The following SNPH variants were observed in gnomAD, a reference collection of about 807,000 sequenced individuals.
SNPH encodes the protein syntaphilin.
Under a neutral mutation model 36.8 loss-of-function variants are expected in SNPH, and 10 were observed. The observed-to-expected ratio is 0.27, with a 90% CI of 0.17 to 0.46. SNPH has a LOEUF of 0.46. Among genes scored for constraint, SNPH ranks in the 20% least tolerant of loss-of-function variants. The pLI is 1.00. For synonymous variants in SNPH, 281 were observed against 312.2 expected (o/e 0.90, Z 1.05); for missense variants, 622 against 744.0 (o/e 0.84, Z 1.91).
chr20:1,305,085 C>G lies in SNPH; in HGVS notation c.648C>G (p.Ile216Met). Residue 216 changes from isoleucine to methionine, a missense_variant, in exon 7 of 7, where the codon ATC (isoleucine) becomes ATG (methionine). Around this residue, in one of 3 missense-constraint regions of SNPH, gnomAD observed 56 missense variants for 106.6 expected, o/e 0.53. Coordinates refer to ENST00000381867, the MANE Select transcript of SNPH (RefSeq NM_001318234.2). ...AGAAGTACTTCGTGGACATCAACAT[C>G]CAGAACAAGAAGCTGGAGACGCTGC... The part of the protein sequence containing the change: ...GLQKYFVDIN[I>M]QNKKLETLLH... 1 of 1,614,036 alleles carries G rather than the reference C, an allele frequency of 6.2e-7. No homozygotes were observed. Among genetic ancestry groups the G allele is most frequent in the Non-Finnish European group, 8.5e-7 (1 of 1,180,042 alleles).
intron 2 of SNPH, among the ~76,000 whole-genome samples, chr20:1,283,575 A>G (rs2088250687): frequency 6.6e-6 from 1 of 152,258 alleles, no homozygotes; most frequent in Admixed American, 6.5e-5. Flanking sequence ...GCCAGAAAAC[A>G]TGGATTTTAA....
At chr20:1,275,376 G>A (rs533058033) in intron 2 of SNPH, among the ~76,000 whole-genome samples, 5 of 152,262 alleles carry the variant, frequency 3.3e-5, no homozygotes, top group Admixed American at 1.3e-4. Flanking sequence ...TATGGGCCTC[G>A]ATTGCTTTTC....
intron 2 of SNPH, among the ~76,000 whole-genome samples, chr20:1,272,685 C>T (rs1210137059): frequency 6.6e-6 from 1 of 152,336 alleles, no homozygotes; most frequent in Admixed American, 6.5e-5. Context: ...TATTGGCTGG[C>T]CCACAGATGA....
intron 2 of SNPH, among the ~76,000 whole-genome samples, chr20:1,277,385 G>A (rs2088144343): frequency 1.3e-5 from 2 of 152,038 alleles, no homozygotes; most frequent in African/African-American, 4.8e-5. Context: ...GTGTCTGTGT[G>A]TGTCTGTGTC....
chr20:1,280,716 C>G (rs1187242223), intron 2 of SNPH, among the ~76,000 whole-genome samples: 2 of 152,216 alleles, frequency 1.3e-5, no homozygotes, highest in Non-Finnish European at 2.9e-5. Flanking sequence ...GAGGATGGAG[C>G]TCCCTCAGGG....
At position 1,306,008 on chromosome 20, in the gene SNPH, T is replaced by A. The variant is rs1568553203; in HGVS notation, c.1571T>A (p.Leu524Gln). The change falls in exon 7 of 7, where the codon CTG becomes CAG. Residue 524 changes from leucine to glutamine, a missense_variant. By Grantham distance (113) the Leu-to-Gln change is moderately radical. Around this residue, in one of 3 missense-constraint regions of SNPH, gnomAD observed 379 missense variants for 427.9 expected, o/e 0.89. Coordinates refer to ENST00000381867, the MANE Select transcript of SNPH (RefSeq NM_001318234.2). ...HSIRRISCRS[L>Q]SQPSPSPAGG... Reference sequence around the variant, plus strand: ...ATCCGCAGGATCAGCTGCCGCTCGCTGAGCCAGCCGAGTCCCAGCCCAGCG... The same window carrying A: ...ATCCGCAGGATCAGCTGCCGCTCGCAGAGCCAGCCGAGTCCCAGCCCAGCG... 6.6e-7 allele frequency: 1 copy of A among 1,524,568 alleles called. No individual in the cohort carries two copies. 94.4% of individuals were successfully genotyped at this position (1,524,568 alleles called of 1,614,324 possible).
At chr20:1,296,982 G>C in intron 4 of SNPH, 163 bp from the exon 5 acceptor site, 2 of 888,318 alleles carry the variant, frequency 2.3e-6, no homozygotes, top group Non-Finnish European at 2.7e-6. Flanking sequence ...TGCACTGTCT[G>C]TTCTGTCACC....
At chr20:1,274,896 C>A (rs766991256) in intron 2 of SNPH, among the ~76,000 whole-genome samples, 7 of 152,242 alleles carry the variant, frequency 4.6e-5, no homozygotes, top group Non-Finnish European at 1.5e-5. Context: ...TTGCTTCCCA[C>A]ACATCCCCTC....
Position 1,300,553 on chromosome 20 carries a change from C to T in SNPH, c.291-9C>T, listed in dbSNP as rs780933278. On this transcript the variant is annotated splice_polypyrimidine_tract_variant and intron_variant, in intron 5 of 6. Transcript: ENST00000381867. ...TCCTCCCTCCCTGATGATGGGCGTC[C>T]CCTTGCAGGCGCTCCATGAAATACA... 2.4e-5 allele frequency: 39 copies of T among 1,613,722 alleles called. No homozygotes were observed. Among genetic ancestry groups the T allele is most frequent in the Non-Finnish European group, 3.1e-5 (37 of 1,179,938 alleles).
At chr20:1,299,854 G>A (rs191849879) in intron 5 of SNPH, among the ~76,000 whole-genome samples, 84 of 152,346 alleles carry the variant, frequency 5.5e-4, no homozygotes, top group African/African-American at 2.0e-3. Flanking sequence ...GGAAGTGTGC[G>A]TGCATGTAGT....
chr20:1,296,434 C>G lies in SNPH; in HGVS notation c.182+13C>G, dbSNP rs374707099. The G allele has an allele frequency of 3.6e-4, 578 of 1,587,108 alleles. No individual in the cohort carries two copies. Among genetic ancestry groups the G allele is most frequent in the Admixed American group, 6.5e-4 (36 of 55,096 alleles). On this transcript the variant is annotated intron_variant, in intron 4 of 6. Coordinates refer to ENST00000381867, the MANE Select transcript of SNPH (RefSeq NM_001318234.2). ...CTGGATCACGCAGGTGAGTCTCCCC[C>G]TCGCTCACAGCCTAGGCTTCGGAGG... is the stretch of plus-strand genomic sequence containing the variant.
chr20:1,298,879 CTA>C (rs1180838958), intron 5 of SNPH, among the ~76,000 whole-genome samples: 3 of 148,522 alleles, frequency 2.0e-5, no homozygotes, highest in African/African-American at 7.5e-5. Flanking sequence ...GAGCTAGTGA[CTA>C]AAAATGTACA....
At chr20:1,273,143 T>C (rs906056058) in intron 2 of SNPH, among the ~76,000 whole-genome samples, 6 of 152,180 alleles carry the variant, frequency 3.9e-5, no homozygotes, top group African/African-American at 1.4e-4. Flanking sequence ...TGGGTTGTGC[T>C]GTGGTCTGGA....
rs767145769 is a variant in SNPH, at chr20:1,305,017, G to C, written c.580G>C (p.Asp194His). 3.1e-6 allele frequency: 5 copies of C among 1,614,076 alleles called. No homozygotes were observed. Among genetic ancestry groups the C allele is most frequent in the Non-Finnish European group, 4.2e-6 (5 of 1,180,036 alleles). ...KEIKQLKQVI[D>H]TVKNNLIDKD... ...GATCAAGCAGCTCAAGCAGGTCATC[G>C]ACACTGTCAAGAACAACCTGATTGA... Residue 194 changes from aspartate (D) to histidine (H), a missense_variant, in exon 7 of 7, where the codon GAC becomes CAC. Asp to His is a moderately conservative substitution (Grantham distance 81, BLOSUM62 -1). Transcript: ENST00000381867.
intron 2 of SNPH, among the ~76,000 whole-genome samples, chr20:1,292,256 A>C (rs1302128582): frequency 6.6e-6 from 1 of 152,152 alleles, no homozygotes; most frequent in Non-Finnish European, 1.5e-5. Context: ...GAAAGAGTGC[A>C]ATGTATGCCT....
intron 4 of SNPH, 147 bp downstream of exon 4, chr20:1,296,568 C>T: frequency 1.5e-6 from 1 of 679,998 alleles, no homozygotes; most frequent in Non-Finnish European, 2.4e-6. Context: ...TAACACCTGC[C>T]TCCTCCTGGA....
Position 1,296,313 on chromosome 20 carries a change from C to G in SNPH, c.74C>G (p.Pro25Arg). 6.3e-7 allele frequency: 1 copy of G among 1,590,488 alleles called. No homozygotes were observed. Among genetic ancestry groups the G allele is most frequent in the Non-Finnish European group, 8.5e-7 (1 of 1,170,092 alleles). Residue 25 changes from proline (P) to arginine (R), a missense_variant, in exon 4 of 7, where the codon CCT (proline) becomes CGT (arginine). Coordinates refer to ENST00000381867, the MANE Select transcript of SNPH (RefSeq NM_001318234.2). Reference protein sequence around the residue: ...PALSAGPPTRPLSSAPGIPPI... With the variant: ...PALSAGPPTRRLSSAPGIPPI... ...CTTTCTGCGGGCCCCCCAACCCGCCCTCTCTCCTCAGCCCCCGGGATACCG... is the reference window on the plus strand; with the variant it reads ...CTTTCTGCGGGCCCCCCAACCCGCCGTCTCTCCTCAGCCCCCGGGATACCG...
intron 2 of SNPH, among the ~76,000 whole-genome samples, chr20:1,290,663 A>T (rs187130139): frequency 2.7e-4 from 41 of 152,310 alleles, no homozygotes; most frequent in Non-Finnish European, 4.4e-4. Context: ...CTTCTTATAC[A>T]AGTTTTTGTT....
At chr20:1,269,466 A>G (rs764280190) in intron 2 of SNPH, among the ~76,000 whole-genome samples, 1 of 152,302 alleles carries the variant, frequency 6.6e-6, no homozygotes, top group South Asian at 2.1e-4. Flanking sequence ...TAGAACTGCT[A>G]TCCGACACCA....
Sources: allele counts gnomAD v4.1 joint callset (sites outside exome capture counted in the v4.1 genomes callset), GRCh38; gene constraint gnomAD v4.1.1; regional missense constraint gnomAD v4.1.1; transcripts MANE v1.5; gene names NCBI Gene and HGNC (gene_info 2026-07-23, HGNC 2026-07-21).